LPP: variants seen among roughly 807,000 people sequenced by gnomAD.
LPP encodes the protein LIM domain containing preferred translocation partner in lipoma.
LPP carries 38 observed loss-of-function variants against 60.4 expected under a neutral mutation model. The ratio of observed to expected loss-of-function variants is 0.63; its 90% CI spans 0.49 to 0.83. The LOEUF is 0.83. Among genes scored for constraint, LPP ranks in the 40% least tolerant of loss-of-function variants. The probability of loss-of-function intolerance (pLI) is 0.00; values close to 1 mark genes in which losing one functional copy is unlikely to be tolerated. For missense variants in LPP, 902 were observed against 783.6 expected, an observed-to-expected ratio of 1.15 and a Z score of -1.80; for synonymous variants, 328 against 290.8, an observed-to-expected ratio of 1.13 and a Z score of -1.30.
chr3:188,588,553 T>A (rs1161884358), intron 6 of LPP, among the ~76,000 whole-genome samples: 2 of 151,204 alleles, frequency 1.3e-5, no homozygotes, highest in African/African-American at 4.9e-5. Flanking sequence ...CAACAGTAGC[T>A]TATGCTGAAA....
intron 1 of LPP, among the ~76,000 whole-genome samples, chr3:188,159,407 G>C (rs1255970278): frequency 6.6e-6 from 1 of 152,176 alleles, no homozygotes; most frequent in Non-Finnish European, 1.5e-5. Flanking sequence ...AGGATGTTCA[G>C]TAGCTGTTTG....
intron 1 of LPP, among the ~76,000 whole-genome samples, chr3:188,210,394 C>A (rs1049821134): frequency 6.6e-6 from 1 of 152,022 alleles, no homozygotes; most frequent in Non-Finnish European, 1.5e-5. Context: ...GATGGAAGGC[C>A]GGGGAGGAAC....
At chr3:188,713,596 G>A (rs1353683552) in intron 8 of LPP, among the ~76,000 whole-genome samples, 2 of 152,138 alleles carry the variant, frequency 1.3e-5, no homozygotes, top group African/African-American at 2.4e-5. Context: ...TATTGATAGA[G>A]TGACAGAAAT....
At chr3:188,802,022 CT>C (rs1451162521) in intron 9 of LPP, among the ~76,000 whole-genome samples, 1 of 151,608 alleles carries the variant, frequency 6.6e-6, no homozygotes, top group East Asian at 1.9e-4. Context: ...TATCTTAGTT[CT>C]TTTTTTTCTG....
chr3:188,459,399 T>G (rs9844575), intron 4 of LPP, among the ~76,000 whole-genome samples: 30,933 of 152,036 alleles, frequency 0.2, 3,187 homozygotes, highest in East Asian at 0.23. Flanking sequence ...AGAGGTACAT[T>G]ATCAAGCTGT....
chr3:188,232,619 G>T (rs752578128), intron 2 of LPP, among the ~76,000 whole-genome samples: 7 of 150,274 alleles, frequency 4.7e-5, no homozygotes, highest in Non-Finnish European at 1.0e-4. Flanking sequence ...CTCCAAAAGT[G>T]CTGGGATTAC....
intron 4 of LPP, among the ~76,000 whole-genome samples, chr3:188,413,532 GC>G (rs1785408706): frequency 6.6e-6 from 1 of 152,092 alleles, no homozygotes; most frequent in Non-Finnish European, 1.5e-5. Context: ...TTCTGGATGA[GC>G]GTAAGCATCT....
At chr3:188,594,357 C>G (rs1839566891) in intron 6 of LPP, among the ~76,000 whole-genome samples, 1 of 152,166 alleles carries the variant, frequency 6.6e-6, no homozygotes, top group Non-Finnish European at 1.5e-5. Flanking sequence ...GTTCCCTGCT[C>G]TTAAGCCAGT....
At chr3:188,628,479 A>G (rs868585097) in intron 7 of LPP, among the ~76,000 whole-genome samples, 3 of 152,164 alleles carry the variant, frequency 2.0e-5, no homozygotes, top group Admixed American at 1.3e-4. Flanking sequence ...AGCACTGCAG[A>G]CATACATTAG....
intron 4 of LPP, among the ~76,000 whole-genome samples, chr3:188,451,377 T>TG (rs1241738004): frequency 3.3e-5 from 5 of 152,068 alleles, no homozygotes; most frequent in African/African-American, 9.7e-5. Context: ...GGTTTCTGAG[T>TG]GGGAAAAAAA....
chr3:188,280,367 G>A (rs1352932377), intron 2 of LPP, among the ~76,000 whole-genome samples: 55 of 152,122 alleles, frequency 3.6e-4, no homozygotes, highest in Admixed American at 3.6e-3. Context: ...CAATTGAAGA[G>A]GTTGTGAGAG....
At chr3:188,804,178 G>T (rs1027479080) in intron 9 of LPP, among the ~76,000 whole-genome samples, 1 of 133,770 alleles carries the variant, frequency 7.5e-6, no homozygotes, top group Non-Finnish European at 1.6e-5. Flanking sequence ...ATTTATTCTA[G>T]TAGCTTTTTT....
At chr3:188,326,308 A>G (rs541008346) in intron 2 of LPP, among the ~76,000 whole-genome samples, 2 of 152,166 alleles carry the variant, frequency 1.3e-5, no homozygotes, top group Non-Finnish European at 2.9e-5. Context: ...ATCACACAGC[A>G]TTTTTCTGAG....
rs376398773 is a variant in LPP, at chr3:188,357,309, C to G, written c.-10+15590C>G. On this transcript the variant is annotated intron_variant, in intron 3 of 11. Coordinates refer to ENST00000617246, the MANE Select transcript of LPP (RefSeq NM_001375462.1). ...ACGGCTATTTCACTAGATGCTGAAACATCATCTCCAAAGTTCCTCAGGAAT... is the reference window on the plus strand; with the variant it reads ...ACGGCTATTTCACTAGATGCTGAAAGATCATCTCCAAAGTTCCTCAGGAAT... Among the ~76,000 whole-genome samples, 78 of 152,276 alleles carry G rather than the reference C, an allele frequency of 5.1e-4. 1 individual carries two copies. In the South Asian group the frequency reaches 0.016, roughly 32 times the overall value.
At chr3:188,429,395 C>T (rs1318396410) in intron 4 of LPP, among the ~76,000 whole-genome samples, 2 of 152,090 alleles carry the variant, frequency 1.3e-5, no homozygotes, top group Admixed American at 1.3e-4. Context: ...AAGTAATGAC[C>T]TCAAACTCTC....
In LPP at chr3:188,164,855, A is replaced by C. The variant is rs540142007; in HGVS notation, c.-190+10603A>C. Among the ~76,000 whole-genome samples the C allele has an allele frequency of 2.0e-5, 3 of 152,152 alleles. No individual in the cohort carries two copies. In the South Asian group the frequency reaches 6.2e-4, roughly 32 times the overall value. On this transcript the variant is annotated intron_variant, in intron 1 of 11. Transcript: ENST00000617246. Reference sequence around the variant, plus strand: ...TCATTTGACATCGTGTATCAGGTGCATCTGTGAAAGAATTAGTGATATGTT... The same window carrying C: ...TCATTTGACATCGTGTATCAGGTGCCTCTGTGAAAGAATTAGTGATATGTT...
At chr3:188,567,908 C>G (rs1349943440) in intron 6 of LPP, among the ~76,000 whole-genome samples, 2 of 152,020 alleles carry the variant, frequency 1.3e-5, no homozygotes, top group Non-Finnish European at 2.9e-5. Flanking sequence ...AGAGTCCATA[C>G]TCATAACACT....
At chr3:188,685,498 G>A (rs1860508366) in intron 7 of LPP, among the ~76,000 whole-genome samples, 1 of 152,116 alleles carries the variant, frequency 6.6e-6, no homozygotes, top group African/African-American at 2.4e-5. Context: ...GAGGGACCTT[G>A]AGCCCCATGC....
chr3:188,855,408 A>T (rs66966540), intron 9 of LPP, among the ~76,000 whole-genome samples: 1 of 152,182 alleles, frequency 6.6e-6, no homozygotes, highest in Non-Finnish European at 1.5e-5. Context: ...GTAGCAACTA[A>T]ATTCATGAAG....
Sources: gnomAD v4.1 joint callset for allele counts (sites outside exome capture counted in the v4.1 genomes callset) on GRCh38, gnomAD v4.1.1 for gene constraint, MANE v1.5 for transcripts, NCBI Gene and HGNC (gene_info 2026-07-23, HGNC 2026-07-21) for gene names.